AVEN: variants seen among roughly 807,000 people sequenced by gnomAD.
The protein encoded by AVEN is apoptosis and caspase activation inhibitor.
A neutral mutation model predicts 38.1 loss-of-function variants in AVEN; 41 were observed. That is an observed-to-expected ratio of 1.08 (90% CI 0.84 to 1.40). AVEN has a LOEUF of 1.40. Ranked by LOEUF, AVEN falls within the 40% of genes most tolerant of loss-of-function variation. The probability of loss-of-function intolerance (pLI) is 0.00; values close to 1 mark genes in which losing one functional copy is unlikely to be tolerated. For missense variants in AVEN, 605 were observed against 438.8 expected, an observed-to-expected ratio of 1.38 and a Z score of -3.38; for synonymous variants, 206 against 171.8, an observed-to-expected ratio of 1.20 and a Z score of -1.56.
In AVEN at chr15:34,038,778, A is replaced by G; in HGVS notation, c.267+2T>C. ...CCAGCCCCACCAGCCGTCGCCTCTTACCGGCGCGCTGGCCCCTGCGCCCCA... is the reference window on the plus strand; with the variant it reads ...CCAGCCCCACCAGCCGTCGCCTCTTGCCGGCGCGCTGGCCCCTGCGCCCCA... On this transcript the variant is annotated splice_donor_variant, in intron 1 of 5. Transcript: ENST00000306730. LOFTEE classifies it high-confidence loss of function. 8.5e-7 allele frequency: 1 copy of G among 1,173,858 alleles called. No homozygotes were observed. The highest frequency in any genetic ancestry group is 1.0e-6 in the Non-Finnish European group (1 of 952,760). 72.7% of individuals were successfully genotyped at this position (1,173,858 alleles called of 1,614,324 possible).
intron 1 of AVEN, among the ~76,000 whole-genome samples, chr15:34,017,889 T>C (rs2140699077): frequency 6.6e-6 from 1 of 152,302 alleles, no homozygotes; most frequent in Non-Finnish European, 1.5e-5. Flanking sequence ...AGTGGTCCCA[T>C]AAGGTTATAA....
At chr15:33,899,183 T>C (rs78454853) in intron 2 of AVEN, among the ~76,000 whole-genome samples, 2,506 of 152,258 alleles carry the variant, frequency 0.016, 25 homozygotes, top group South Asian at 0.049. Flanking sequence ...CCTCTGCCCC[T>C]ATGACACAGT....
chr15:33,992,093 A>C (rs1785688236), intron 2 of AVEN: 1 of 152,390 alleles, frequency 6.6e-6, no homozygotes. Context: ...AAGGTTTTTA[A>C]AAAGAAAATC....
intron 2 of AVEN, among the ~76,000 whole-genome samples, chr15:33,900,657 G>T (rs1426693462): frequency 6.6e-6 from 1 of 151,112 alleles, no homozygotes; most frequent in African/African-American, 2.4e-5. Flanking sequence ...TAGCAAAATA[G>T]GTCAAGTAAA....
chr15:34,016,990 G>A (rs1897943937), intron 1 of AVEN, among the ~76,000 whole-genome samples: 2 of 141,632 alleles, frequency 1.4e-5, no homozygotes, highest in African/African-American at 4.9e-5. Context: ...AATTAGCCAG[G>A]CATGGTGGCA....
At chr15:33,853,181 T>A in the AVEN span, 1 of 1,093,008 alleles carries the variant, frequency 9.1e-7, no homozygotes, top group Non-Finnish European at 1.3e-6. Context: ...GTAAATGTGA[T>A]GCTACTTTTA....
At chr15:33,885,682 G>A (rs1567395868) in intron 2 of AVEN, 1 of 152,120 alleles carries the variant, frequency 6.6e-6, no homozygotes, top group Non-Finnish European at 1.5e-5. Context: ...TACATAATAG[G>A]TTGTGCCTAT....
chr15:34,017,629 G>A (rs1207354007), intron 1 of AVEN, among the ~76,000 whole-genome samples: 1 of 151,858 alleles, frequency 6.6e-6, no homozygotes, highest in African/African-American at 2.4e-5. Context: ...ACAGGTGCAT[G>A]CCACCACACC....
chr15:34,064,548 G>A (rs1289351909), intron 4 of AVEN: 1 of 569,406 alleles, frequency 1.8e-6, no homozygotes, highest in Non-Finnish European at 3.2e-6. Context: ...TGCCAGGGGA[G>A]TTTGCCAATG....
chr15:33,860,533 T>A, intron 11 of AVEN: 1 of 984,252 alleles, frequency 1.0e-6, no homozygotes, highest in South Asian at 2.0e-5. Flanking sequence ...CTTCTTCCTT[T>A]ATCATTCCTC....
chr15:33,988,288 A>G (rs1896564365), intron 2 of AVEN, among the ~76,000 whole-genome samples: 1 of 152,236 alleles, frequency 6.6e-6, no homozygotes, highest in Admixed American at 6.5e-5. Context: ...ATTTTAATGA[A>G]CAGTATCAAG....
At chr15:34,055,204 A>G (rs1408536708) in intron 5 of AVEN, among the ~76,000 whole-genome samples, 6 of 150,484 alleles carry the variant, frequency 4.0e-5, no homozygotes, top group Non-Finnish European at 5.9e-5. Context: ...AAAAAAAAAA[A>G]GTAAATAAAC....
intron 2 of AVEN, among the ~76,000 whole-genome samples, chr15:33,919,976 C>A (rs1199969729): frequency 6.6e-6 from 1 of 152,130 alleles, no homozygotes; most frequent in Non-Finnish European, 1.5e-5. Context: ...CTCTTTAAGA[C>A]CTCTTCCTAA....
chr15:33,979,015 C>A (rs1190213908), intron 2 of AVEN, among the ~76,000 whole-genome samples: 2 of 152,028 alleles, frequency 1.3e-5, no homozygotes, highest in Non-Finnish European at 2.9e-5. Context: ...TATAATGCTC[C>A]AGGTTTCTTT....
chr15:33,862,849 G>A (rs912705876), downstream of AVEN, among the ~76,000 whole-genome samples: 19 of 152,078 alleles, frequency 1.2e-4, no homozygotes, highest in African/African-American at 4.6e-4. Flanking sequence ...GACCTGAAGT[G>A]ATCCACCTGC....
intron 5 of AVEN, among the ~76,000 whole-genome samples, chr15:34,053,338 A>G (rs1268200406): frequency 7.0e-6 from 1 of 142,080 alleles, no homozygotes; most frequent in Non-Finnish European, 1.5e-5. Flanking sequence ...ATATATATAT[A>G]TATATGGAAC....
intron 2 of AVEN, among the ~76,000 whole-genome samples, chr15:33,974,896 C>G (rs1432834739): frequency 6.6e-6 from 1 of 152,162 alleles, no homozygotes; most frequent in Non-Finnish European, 1.5e-5. Context: ...CGCTTGAACC[C>G]AGGAGGTGGA....
intron 2 of AVEN, among the ~76,000 whole-genome samples, chr15:33,889,857 A>C (rs940055707): frequency 1.3e-5 from 2 of 152,214 alleles, no homozygotes; most frequent in African/African-American, 4.8e-5. Context: ...ACATTTATAG[A>C]AAATCGGGCA....
chr15:33,950,822 A>T (rs570853739), intron 2 of AVEN, among the ~76,000 whole-genome samples: 1 of 152,212 alleles, frequency 6.6e-6, no homozygotes, highest in African/African-American at 2.4e-5. Flanking sequence ...CCTGGGCAAC[A>T]TAATGAGACC....
Sources: gnomAD v4.1 joint callset for allele counts (sites outside exome capture counted in the v4.1 genomes callset) on GRCh38, gnomAD v4.1.1 for gene constraint, MANE v1.5 for transcripts, NCBI Gene and HGNC (gene_info 2026-07-23, HGNC 2026-07-21) for gene names.